Variants in FBXL7 observed in about 807,000 individuals in gnomAD.
FBXL7 encodes the protein F-box and leucine rich repeat protein 7.
FBXL7 carries 12 observed loss-of-function variants against 38.3 expected under a neutral mutation model. The observed-to-expected ratio is 0.31, with a 90% CI of 0.20 to 0.51. The LOEUF (loss-of-function observed/expected upper bound fraction) is 0.51, where lower values mean the gene tolerates loss of function less well. Ranked by LOEUF, FBXL7 falls within the 20% of genes least tolerant of loss-of-function variation. The pLI, the probability that FBXL7 is intolerant of heterozygous loss-of-function variation, is 0.98. For missense variants in FBXL7, 567 were observed against 676.4 expected (o/e 0.84, Z 1.79); for synonymous variants, 297 against 300.9 (o/e 0.99, Z 0.13).
In FBXL7 at chr5:15,658,798, G is replaced by C. The variant is rs539484848; in HGVS notation, c.127+42726G>C. On this transcript the variant is annotated intron_variant, in intron 2 of 3. Coordinates refer to ENST00000504595, the MANE Select transcript of FBXL7 (RefSeq NM_012304.5). Reference sequence around the variant, plus strand: ...TTCCATACAATGTCTGAAATCTATAGATAACACAAGGAGTTAGGTCAGGGG... The same window carrying C: ...TTCCATACAATGTCTGAAATCTATACATAACACAAGGAGTTAGGTCAGGGG... 1.6e-4 allele frequency among the ~76,000 whole-genome samples: 25 copies of C among 152,278 alleles called. No homozygotes were observed. In the South Asian group the frequency reaches 5.2e-3, roughly 32 times the overall value.
At chr5:15,788,787 C>G (rs1737197738) in intron 2 of FBXL7, among the ~76,000 whole-genome samples, 1 of 151,920 alleles carries the variant, frequency 6.6e-6, no homozygotes, top group Admixed American at 6.6e-5. Context: ...TCAAATGATT[C>G]TCCTGCCTCA....
chr5:15,615,907 T>TGTGGGACCGAGTGGAAGGC (rs1187397920), intron 1 of FBXL7, 76 bp from the exon 2 acceptor site: 2 of 909,562 alleles, frequency 2.2e-6, no homozygotes, highest in African/African-American at 1.7e-5. Flanking sequence ...TATGGCTTGC[T>TGTGGGACCGAGTGGAAGGC]GTGGGACCGA....
chr5:15,781,833 T>C (rs533724818), intron 2 of FBXL7, among the ~76,000 whole-genome samples: 1 of 152,120 alleles, frequency 6.6e-6, no homozygotes, highest in Non-Finnish European at 1.5e-5. Context: ...CTTTTCAACT[T>C]TTTTAAAAAA....
chr5:15,659,789 A>G (rs967966602), intron 2 of FBXL7, among the ~76,000 whole-genome samples: 1 of 152,252 alleles, frequency 6.6e-6, no homozygotes, highest in Non-Finnish European at 1.5e-5. Context: ...AAAACATCCA[A>G]TGACAATGTC....
intron 1 of FBXL7, among the ~76,000 whole-genome samples, chr5:15,557,049 T>C (rs1738262802): frequency 6.6e-6 from 1 of 152,244 alleles, no homozygotes; most frequent in South Asian, 2.1e-4. Flanking sequence ...GCCATTCTCC[T>C]GTCTCAGCCT....
intron 2 of FBXL7, among the ~76,000 whole-genome samples, chr5:15,747,483 G>A (rs1445777032): frequency 3.3e-5 from 5 of 152,132 alleles, no homozygotes; most frequent in Admixed American, 6.6e-5. Context: ...GCTGTAGGGG[G>A]TCAACCTGGC....
At chr5:15,745,061 A>G (rs1322967554) in intron 2 of FBXL7, among the ~76,000 whole-genome samples, 1 of 152,248 alleles carries the variant, frequency 6.6e-6, no homozygotes, top group Non-Finnish European at 1.5e-5. Context: ...GCCAAACTAT[A>G]TCAAGTTTGC....
chr5:15,896,307 G>A (rs889473127), intron 2 of FBXL7, among the ~76,000 whole-genome samples: 1 of 152,110 alleles, frequency 6.6e-6, no homozygotes, highest in South Asian at 2.1e-4. Flanking sequence ...TGTTTAGGTC[G>A]GAAATGTCAG....
chr5:15,556,146 T>A (rs1738234130), intron 1 of FBXL7, among the ~76,000 whole-genome samples: 1 of 151,996 alleles, frequency 6.6e-6, no homozygotes, highest in Admixed American at 6.6e-5. Flanking sequence ...TAGAAGGAGC[T>A]TTACTCTGAG....
chr5:15,935,033 T>A, intron 3 of FBXL7: 1 of 428,524 alleles, frequency 2.3e-6, no homozygotes, highest in Non-Finnish European at 4.9e-6. Context: ...ATAAACAGAT[T>A]GGCTCTGAGA....
intron 2 of FBXL7, among the ~76,000 whole-genome samples, chr5:15,890,200 T>C (rs1740842903): frequency 6.6e-6 from 1 of 151,932 alleles, no homozygotes; most frequent in Non-Finnish European, 1.5e-5. Context: ...TGAGCGAGCA[T>C]TACCACCTGA....
chr5:15,557,692 T>C (rs1477441106), intron 1 of FBXL7, among the ~76,000 whole-genome samples: 1 of 152,172 alleles, frequency 6.6e-6, no homozygotes, highest in Non-Finnish European at 1.5e-5. Context: ...GAGAGCCTTG[T>C]ATTTCAGCCT....
In FBXL7 at chr5:15,719,892, A is replaced by G. The variant is rs1320559844; in HGVS notation, c.127+103820A>G. Among the ~76,000 whole-genome samples, 2 of 148,834 alleles carry G rather than the reference A, an allele frequency of 1.3e-5. 1 individual carries two copies. On this transcript the variant is annotated intron_variant, in intron 2 of 3. Transcript: ENST00000504595. ...AGGAGAGAGAACAACCATGAAAGAC[A>G]TTTGGAAGTAATAAGGCCAATCAGC...
At chr5:15,643,989 T>A (rs1434025691) in intron 2 of FBXL7, among the ~76,000 whole-genome samples, 1 of 152,288 alleles carries the variant, frequency 6.6e-6, no homozygotes, top group Non-Finnish European at 1.5e-5. Flanking sequence ...CACTTCGTAC[T>A]TTCATTCATT....
intron 2 of FBXL7, among the ~76,000 whole-genome samples, chr5:15,618,514 T>G (rs191212106): frequency 3.1e-4 from 47 of 152,312 alleles, no homozygotes; most frequent in African/African-American, 1.1e-3. Context: ...GCGGGATGAT[T>G]AGTTTCCTCT....
intron 2 of FBXL7, among the ~76,000 whole-genome samples, chr5:15,732,789 A>G (rs571293923): frequency 6.6e-6 from 1 of 152,312 alleles, no homozygotes; most frequent in East Asian, 1.9e-4. Flanking sequence ...GATATAGAAA[A>G]CAAAATGCCA....
intron 2 of FBXL7, among the ~76,000 whole-genome samples, chr5:15,832,700 A>C (rs566161977): frequency 2.0e-5 from 3 of 152,204 alleles, no homozygotes; most frequent in Non-Finnish European, 4.4e-5. Context: ...AGGCAATAAG[A>C]GATCTCAGAG....
At chr5:15,574,522 A>G (rs77821408) in intron 1 of FBXL7, among the ~76,000 whole-genome samples, 10,464 of 152,260 alleles carry the variant, frequency 0.069, 549 homozygotes, top group African/African-American at 0.14. Flanking sequence ...CTAAAAATAA[A>G]CCATTTTTAA....
At chr5:15,920,647 A>G (rs1330353280) in intron 2 of FBXL7, among the ~76,000 whole-genome samples, 1 of 152,066 alleles carries the variant, frequency 6.6e-6, no homozygotes, top group African/African-American at 2.4e-5. Flanking sequence ...CAGCCACCCA[A>G]GTAGCTGGGA....
Sources: gnomAD v4.1 joint callset for allele counts (sites outside exome capture counted in the v4.1 genomes callset) on GRCh38, gnomAD v4.1.1 for gene constraint, MANE v1.5 for transcripts, NCBI Gene and HGNC (gene_info 2026-07-23, HGNC 2026-07-21) for gene names.